PDE4B: variants seen among roughly 807,000 people sequenced by gnomAD.
PDE4B encodes phosphodiesterase 4B.
A neutral mutation model predicts 82.2 loss-of-function variants in PDE4B; 20 were observed. The observed-to-expected ratio is 0.24, with a 90% CI of 0.17 to 0.35. The LOEUF is 0.35. Among genes scored for constraint, PDE4B ranks in the 10% least tolerant of loss-of-function variants. The pLI is 1.00. For synonymous variants in PDE4B, 320 were observed against 318.9 expected, an observed-to-expected ratio of 1.00 and a Z score of -0.04; for missense variants, 655 against 907.2, an observed-to-expected ratio of 0.72 and a Z score of 3.57.
At chr1:66,305,953 C>T (rs187949992) in intron 7 of PDE4B, among the ~76,000 whole-genome samples, 4 of 152,068 alleles carry the variant, frequency 2.6e-5, no homozygotes, top group East Asian at 1.9e-4. Context: ...GACAAAGGGC[C>T]GCAGCAGAGG....
At chr1:66,077,599 T>G in intron 3 of PDE4B, among the ~76,000 whole-genome samples, 1 of 152,168 alleles carries the variant, frequency 6.6e-6, no homozygotes, top group East Asian at 1.9e-4. Flanking sequence ...AATGGTATAC[T>G]GCCCTGACTA....
At chr1:66,217,318 G>A (rs1384116522) in intron 3 of PDE4B, among the ~76,000 whole-genome samples, 3 of 152,130 alleles carry the variant, frequency 2.0e-5, no homozygotes, top group African/African-American at 4.8e-5. Flanking sequence ...TGTAGGCAAG[G>A]ATATTGAGAT....
chr1:66,056,031 G>T (rs1486708600), intron 3 of PDE4B, among the ~76,000 whole-genome samples: 1 of 152,052 alleles, frequency 6.6e-6, no homozygotes, highest in Non-Finnish European at 1.5e-5. Context: ...TCCCATAATT[G>T]ATTTAACTTC....
At chr1:65,829,173 C>T (rs1195291881) in intron 1 of PDE4B, among the ~76,000 whole-genome samples, 1 of 152,162 alleles carries the variant, frequency 6.6e-6, no homozygotes, top group Non-Finnish European at 1.5e-5. Flanking sequence ...ACTATATTAA[C>T]TTTAAACAAA....
intron 3 of PDE4B, among the ~76,000 whole-genome samples, chr1:66,211,445 T>A (rs140241303): frequency 6.6e-6 from 1 of 152,334 alleles, no homozygotes; most frequent in Non-Finnish European, 1.5e-5. Context: ...AGACTCCCAG[T>A]TGATAGGACC....
rs567409298 is a variant in PDE4B, at chr1:66,232,017, A to C, written c.282-15443A>C. Among the ~76,000 whole-genome samples, 28 of 152,356 alleles carry C rather than the reference A, an allele frequency of 1.8e-4. No homozygotes were observed. In the South Asian group the frequency reaches 5.6e-3, roughly 30 times the overall value. Reference sequence around the variant, plus strand: ...AAATTGGGGACTGTCCAGCCCGATGAAGGGCAAGCTAAGACCTGCTCATAG... The same window carrying C: ...AAATTGGGGACTGTCCAGCCCGATGCAGGGCAAGCTAAGACCTGCTCATAG... On this transcript the variant is annotated intron_variant, in intron 3 of 16. Transcript: ENST00000341517.
At chr1:66,335,595 C>G (rs1660458730) in intron 8 of PDE4B, among the ~76,000 whole-genome samples, 1 of 152,176 alleles carries the variant, frequency 6.6e-6, no homozygotes, top group Non-Finnish European at 1.5e-5. Flanking sequence ...CTCTGTTTGG[C>G]CCAAATTTCT....
intron 3 of PDE4B, among the ~76,000 whole-genome samples, chr1:66,229,261 G>A (rs985178040): frequency 5.3e-5 from 8 of 151,568 alleles, no homozygotes; most frequent in Non-Finnish European, 8.8e-5. Flanking sequence ...CGCCCGCCTC[G>A]GCCTCCCAAA....
chr1:65,839,345 G>A (rs1054773766), intron 1 of PDE4B, among the ~76,000 whole-genome samples: 4 of 151,534 alleles, frequency 2.6e-5, no homozygotes, highest in Non-Finnish European at 5.9e-5. Context: ...AGGTATACAT[G>A]TGCCATGGTG....
chr1:66,214,902 G>T (rs534155934), intron 3 of PDE4B, among the ~76,000 whole-genome samples: 1 of 152,268 alleles, frequency 6.6e-6, no homozygotes, highest in Admixed American at 6.5e-5. Context: ...TCATGACCTT[G>T]TTGGAAGAAG....
chr1:66,037,125 CAAAAA>C (rs71058446), intron 3 of PDE4B, among the ~76,000 whole-genome samples: 1 of 86,690 alleles, frequency 1.2e-5, no homozygotes. Flanking sequence ...GACTCTGCCT[CAAAAA>C]AAAAAAAAAA....
intron 3 of PDE4B, among the ~76,000 whole-genome samples, chr1:66,225,037 G>A (rs1346683522): frequency 1.3e-5 from 2 of 152,136 alleles, no homozygotes; most frequent in Non-Finnish European, 2.9e-5. Context: ...CATTTCCACT[G>A]TACTCTGGAC....
chr1:65,867,134 T>C (rs1407186070), intron 1 of PDE4B, among the ~76,000 whole-genome samples: 2 of 152,168 alleles, frequency 1.3e-5, no homozygotes, highest in East Asian at 3.8e-4. Context: ...TTGAGGTACA[T>C]TATAGTATTC....
intron 3 of PDE4B, among the ~76,000 whole-genome samples, chr1:66,188,787 C>A (rs1180561016): frequency 2.6e-5 from 4 of 151,898 alleles, no homozygotes; most frequent in African/African-American, 9.7e-5. Flanking sequence ...ACTGTTTATC[C>A]AATTTGCCAG....
intron 3 of PDE4B, among the ~76,000 whole-genome samples, chr1:65,930,134 G>A (rs1569723170): frequency 6.6e-6 from 1 of 152,266 alleles, no homozygotes; most frequent in African/African-American, 2.4e-5. Flanking sequence ...GAAGCATCCA[G>A]CATGGGAGAA....
chr1:65,931,327 C>T (rs544130485), intron 3 of PDE4B, among the ~76,000 whole-genome samples: 18 of 152,134 alleles, frequency 1.2e-4, no homozygotes, highest in South Asian at 6.2e-4. Context: ...TATAGCAATA[C>T]GAGAATGGCC....
At chr1:66,132,795 A>T (rs896866717) in intron 3 of PDE4B, among the ~76,000 whole-genome samples, 4 of 152,160 alleles carry the variant, frequency 2.6e-5, no homozygotes, top group Admixed American at 6.5e-5. Flanking sequence ...TCACCAGCAT[A>T]CATTTTTGCA....
chr1:66,181,977 T>A (rs1329421820), intron 3 of PDE4B, among the ~76,000 whole-genome samples: 1 of 152,056 alleles, frequency 6.6e-6, no homozygotes, highest in Non-Finnish European at 1.5e-5. Flanking sequence ...ATAATTATAT[T>A]AAATGCTATT....
chr1:65,959,583 C>A (rs1217081783), intron 3 of PDE4B, among the ~76,000 whole-genome samples: 2 of 151,978 alleles, frequency 1.3e-5, no homozygotes, highest in Non-Finnish European at 2.9e-5. Flanking sequence ...CTCATTATAG[C>A]TTAGATTCTT....
Sources: allele counts gnomAD v4.1 joint callset (sites outside exome capture counted in the v4.1 genomes callset), GRCh38; gene constraint gnomAD v4.1.1; transcripts MANE v1.5; gene names NCBI Gene and HGNC (gene_info 2026-07-23, HGNC 2026-07-21).